The following ATP9B variants were observed in gnomAD, a reference collection of about 807,000 sequenced individuals.
The protein encoded by ATP9B is probable phospholipid-transporting ATPase IIB.
In ATP9B, 110 loss-of-function variants were observed where a neutral mutation model predicts 146.1. The observed-to-expected ratio is 0.75, with a 90% CI of 0.65 to 0.88. The LOEUF is 0.88. ATP9B is among the 40% of genes least tolerant of loss of function. ATP9B has a pLI of 0.00. For missense variants in ATP9B, 1,499 were observed against 1,496.4 expected (o/e 1.00, Z -0.03); for synonymous variants, 604 against 569.7 (o/e 1.06, Z -0.86).
In ATP9B at chr18:79,260,941, A is replaced by G. The variant is rs118025731; in HGVS notation, c.1268+7400A>G. ...TCTCCCATTTGGAATGGAAATACCTATTTATCCTTGTCCCACCACTGTATT... is the reference window on the plus strand; with the variant it reads ...TCTCCCATTTGGAATGGAAATACCTGTTTATCCTTGTCCCACCACTGTATT... On this transcript the variant is annotated intron_variant, in intron 12 of 29. Transcript: ENST00000426216. Among the ~76,000 whole-genome samples the G allele has an allele frequency of 2.8e-4, 43 of 152,256 alleles. No homozygotes were observed. In the East Asian group the frequency reaches 5.8e-3, roughly 21 times the overall value.
intron 11 of ATP9B, among the ~76,000 whole-genome samples, chr18:79,214,562 C>A (rs993922638): frequency 1.3e-5 from 2 of 152,106 alleles, no homozygotes; most frequent in African/African-American, 4.8e-5. Context: ...ATTTATGCAT[C>A]CAACATGTGT....
chr18:79,290,312 G>C (rs532569052), intron 13 of ATP9B, among the ~76,000 whole-genome samples: 188 of 152,356 alleles, frequency 1.2e-3, no homozygotes, highest in African/African-American at 4.4e-3. Context: ...AAGCAAGCCT[G>C]GGCAATGGCG....
At chr18:79,314,225 A>G (rs2096667709) in intron 15 of ATP9B, among the ~76,000 whole-genome samples, 1 of 152,208 alleles carries the variant, frequency 6.6e-6, no homozygotes, top group Non-Finnish European at 1.5e-5. Context: ...CTGTGCACCC[A>G]TACCATCCTC....
Position 79,154,212 on chromosome 18 carries a change from C to T in ATP9B, c.727-292C>T, listed in dbSNP as rs143800168. ...TCATGACCTCATGATCCGCCTGCCT[C>T]GGCCTCCCAAGGTGCTGGAATTACA... On this transcript the variant is annotated intron_variant, in intron 6 of 29. Transcript: ENST00000426216. Among the ~76,000 whole-genome samples, 570 of 151,810 alleles carry T rather than the reference C, an allele frequency of 3.8e-3. 3 individuals are homozygous for T. Among genetic ancestry groups the T allele is most frequent in the South Asian group, 0.024 (116 of 4,796 alleles).
rs2095870677 is a variant in ATP9B, at chr18:79,239,551, C to T, written c.1108-13830C>T. Among the ~76,000 whole-genome samples, 1 of 152,092 alleles carries T rather than the reference C, an allele frequency of 6.6e-6. No individual in the cohort carries two copies. Among genetic ancestry groups the T allele is most frequent in the Non-Finnish European group, 1.5e-5 (1 of 68,014 alleles). On this transcript the variant is annotated intron_variant, in intron 11 of 29. Transcript: ENST00000426216. The surrounding 1 kb of genome is among the most constrained non-coding windows in gnomAD (Gnocchi z 5.1). The stretch of plus-strand genomic sequence containing the variant: ...GTCTTCAGAGGATGATTTCCTTCAA[C>T]CTGGAGTCATTGTGCCGCCATTGTC...
rs527496033 is a variant in ATP9B at position 79,252,961 on chromosome 18, C to T, written c.1108-420C>T. ...ACGGATAACAGAGGCATGGTCATGG[C>T]GTAGCACATGCAAGGAAGACCCGCC... On this transcript the variant is annotated intron_variant, in intron 11 of 29. Coordinates refer to ENST00000426216, the MANE Select transcript of ATP9B (RefSeq NM_198531.5). Among the ~76,000 whole-genome samples, 7 of 152,324 alleles carry T rather than the reference C, an allele frequency of 4.6e-5. 1 individual carries two copies. In the South Asian group the frequency reaches 1.5e-3, roughly 32 times the overall value.
At chr18:79,108,012 C>T (rs1184017062) in intron 2 of ATP9B, among the ~76,000 whole-genome samples, 1 of 152,176 alleles carries the variant, frequency 6.6e-6, no homozygotes, top group Non-Finnish European at 1.5e-5. Context: ...GGTAACATAA[C>T]TAGGATTTTC....
Position 79,347,782 on chromosome 18 carries a change from GCCT to G in ATP9B, c.2697_2699del (p.Ser900del). On this transcript the variant is annotated inframe_deletion, in exon 24 of 30. Coordinates refer to ENST00000426216, the MANE Select transcript of ATP9B (RefSeq NM_198531.5). ...GCTTTTCTCTCAGGAGGGTAAACAG[GCCT>G]CGCTGGCGGCCGACTTCTCCATCAC... 6.3e-7 allele frequency: 1 copy of G among 1,580,186 alleles called. No individual in the cohort carries two copies. The highest frequency in any genetic ancestry group is 8.6e-7 in the Non-Finnish European group (1 of 1,161,608).
chr18:79,323,882 T>C (rs1170018206), intron 15 of ATP9B, among the ~76,000 whole-genome samples: 1 of 152,240 alleles, frequency 6.6e-6, no homozygotes, highest in Non-Finnish European at 1.5e-5. Context: ...ACCTCCATGC[T>C]GCTCTCCAGA....
At position 79,069,460 on chromosome 18, in the gene ATP9B, C is replaced by A; in HGVS notation, c.50C>A (p.Ala17Glu). 1 of 1,509,272 alleles carries A rather than the reference C, an allele frequency of 6.6e-7. No individual in the cohort carries two copies. Among genetic ancestry groups the A allele is most frequent in the Non-Finnish European group, 8.8e-7 (1 of 1,131,874 alleles). The allele number at this position is 1,509,272 out of a possible 1,614,324, so 93.5% of individuals were successfully genotyped here. Residue 17 changes from alanine to glutamate, a missense_variant, in exon 1 of 30, where the codon GCA (alanine) becomes GAA (glutamate). Physicochemically the swap from Ala to Glu is moderately radical, Grantham distance 107 (BLOSUM62 -1). Coordinates refer to ENST00000426216, the MANE Select transcript of ATP9B (RefSeq NM_198531.5). ...LYPVRSAAAA[A>E]ANRKRAAYYS... is the part of the protein sequence containing the mutation. Reference sequence around the variant, plus strand: ...CCGGTGCGTAGCGCAGCGGCGGCCGCAGCCAACCGCAAACGCGCGGCCTAC... The same window carrying A: ...CCGGTGCGTAGCGCAGCGGCGGCCGAAGCCAACCGCAAACGCGCGGCCTAC...
chr18:79,121,204 A>G (rs547590891), intron 4 of ATP9B, among the ~76,000 whole-genome samples: 2 of 152,320 alleles, frequency 1.3e-5, no homozygotes, highest in South Asian at 2.1e-4. Context: ...AAAAATGTAT[A>G]TTGTTTTGGA....
intron 2 of ATP9B, among the ~76,000 whole-genome samples, chr18:79,103,722 G>A (rs2075452523): frequency 6.6e-6 from 1 of 152,068 alleles, no homozygotes; most frequent in Non-Finnish European, 1.5e-5. Flanking sequence ...AATCAGCAAA[G>A]GAAAATCAAT....
intron 19 of ATP9B, among the ~76,000 whole-genome samples, chr18:79,338,254 C>G (rs1223269857): frequency 6.6e-6 from 1 of 152,252 alleles, no homozygotes; most frequent in African/African-American, 2.4e-5. Context: ...GGCCCCTGGG[C>G]TCAGCAGCAA....
chr18:79,137,798 G>A (rs1049943379), intron 5 of ATP9B, among the ~76,000 whole-genome samples: 1 of 152,142 alleles, frequency 6.6e-6, no homozygotes, highest in Admixed American at 6.5e-5. Context: ...CCCTGCAACA[G>A]TCACAGATGC....
chr18:79,136,671 T>C (rs894325542), intron 5 of ATP9B, among the ~76,000 whole-genome samples: 1 of 152,230 alleles, frequency 6.6e-6, no homozygotes, highest in African/African-American at 2.4e-5. Flanking sequence ...CACAGTTCTA[T>C]TGCTGTGTCT....
intron 1 of ATP9B, among the ~76,000 whole-genome samples, chr18:79,071,049 CTTTTTT>C (rs746689031): frequency 8.9e-5 from 10 of 112,396 alleles, no homozygotes; most frequent in Admixed American, 8.1e-4. Context: ...ATTCCTGTTT[CTTTTTT>C]TTTTTTTTTT....
intron 7 of ATP9B, among the ~76,000 whole-genome samples, chr18:79,169,966 C>T (rs772707899): frequency 1.1e-4 from 17 of 152,154 alleles, no homozygotes; most frequent in Admixed American, 2.0e-4. Context: ...AATTACCTTA[C>T]GACTCCCCAA....
At chr18:79,310,337 C>T (rs1017095555) in intron 15 of ATP9B, among the ~76,000 whole-genome samples, 7 of 152,198 alleles carry the variant, frequency 4.6e-5, no homozygotes, top group Non-Finnish European at 8.8e-5. Flanking sequence ...TACAACTATG[C>T]GTTCAGAATG....
chr18:79,189,512 A>G (rs1429010015), intron 8 of ATP9B, among the ~76,000 whole-genome samples: 9 of 152,152 alleles, frequency 5.9e-5, no homozygotes, highest in African/African-American at 1.9e-4. Context: ...TTAATAGCCT[A>G]CTGTTCACTG....
Sources: allele counts gnomAD v4.1 joint callset (sites outside exome capture counted in the v4.1 genomes callset), GRCh38; gene constraint gnomAD v4.1.1; non-coding constraint Gnocchi (gnomAD v3.1); transcripts MANE v1.5; gene names NCBI Gene and HGNC (gene_info 2026-07-23, HGNC 2026-07-21).